TIMM23: variants seen among roughly 807,000 people sequenced by gnomAD.
TIMM23 encodes the protein mitochondrial import inner membrane translocase subunit Tim23.
In TIMM23, 19 loss-of-function variants were observed where a neutral mutation model predicts 30.7. The observed-to-expected ratio is 0.62, with a 90% CI of 0.43 to 0.91. The LOEUF (loss-of-function observed/expected upper bound fraction) is 0.91. Among genes scored for constraint, TIMM23 ranks in the 40% least tolerant of loss-of-function variants. The pLI is 0.00. For synonymous variants in TIMM23, 78 were observed against 98.5 expected (o/e 0.79, Z 1.23); for missense variants, 202 against 269.2 (o/e 0.75, Z 1.75).
intron 2 of TIMM23, 57 bp downstream of exon 2, chr10:45,975,569 C>A: frequency 3.1e-6 from 5 of 1,606,244 alleles, no homozygotes; most frequent in Non-Finnish European, 4.3e-6. Context: ...AAAAAAACGC[C>A]AAGTGCTATG....
chr10:45,999,677 G>A (rs996298051), intron 6 of TIMM23, among the ~76,000 whole-genome samples: 5 of 152,214 alleles, frequency 3.3e-5, no homozygotes, highest in Admixed American at 3.3e-4. Context: ...ATGAAGTTTC[G>A]GGCACCATTG....
intron 6 of TIMM23, among the ~76,000 whole-genome samples, chr10:45,996,224 TG>T (rs1838327097): frequency 2.1e-5 from 3 of 143,106 alleles, no homozygotes; most frequent in Admixed American, 2.1e-4. Context: ...TATCCGGGCA[TG>T]GTGGTGGGTG....
At chr10:45,997,860 A>T (rs1838394799) in intron 6 of TIMM23, among the ~76,000 whole-genome samples, 1 of 152,216 alleles carries the variant, frequency 6.6e-6, no homozygotes, top group Non-Finnish European at 1.5e-5. Flanking sequence ...GTGTGAATGT[A>T]CTTAATGCCT....
intron 2 of TIMM23, 82 bp downstream of exon 2, chr10:45,975,594 G>A: frequency 1.9e-6 from 3 of 1,572,140 alleles, no homozygotes; most frequent in Non-Finnish European, 2.6e-6. Flanking sequence ...CTTGAACTAT[G>A]ACATACACTT....
chr10:45,997,672 G>A (rs1838387711), intron 6 of TIMM23, among the ~76,000 whole-genome samples: 1 of 152,152 alleles, frequency 6.6e-6, no homozygotes, highest in South Asian at 2.1e-4. Flanking sequence ...CGGTATGGTG[G>A]TGCATGATTG....
At chr10:46,000,108 T>C (rs1554917409) in intron 6 of TIMM23, among the ~76,000 whole-genome samples, 1 of 152,194 alleles carries the variant, frequency 6.6e-6, no homozygotes, top group Non-Finnish European at 1.5e-5. Flanking sequence ...CTACAATTTG[T>C]GCGGTTAACG....
chr10:45,978,987 T>C (rs1554913562), intron 2 of TIMM23, among the ~76,000 whole-genome samples: 1 of 152,224 alleles, frequency 6.6e-6, no homozygotes, highest in Non-Finnish European at 1.5e-5. Flanking sequence ...TGCTACAATA[T>C]AAATGAACCT....
chr10:45,999,508 A>C (rs1190316497), intron 6 of TIMM23, among the ~76,000 whole-genome samples: 6 of 152,054 alleles, frequency 3.9e-5, no homozygotes, highest in African/African-American at 1.4e-4. Flanking sequence ...CGCAAAAACC[A>C]GCAAGTTTTT....
At chr10:45,976,282 A>AT in intron 2 of TIMM23, among the ~76,000 whole-genome samples, 1 of 151,110 alleles carries the variant, frequency 6.6e-6, no homozygotes, top group African/African-American at 2.4e-5. Flanking sequence ...CACAAAAATC[A>AT]TTTGACAACA....
At chr10:45,982,722 T>C (rs1466411734) in intron 3 of TIMM23, 106 bp downstream of exon 3, 27 of 1,558,776 alleles carry the variant, frequency 1.7e-5, no homozygotes, top group Non-Finnish European at 2.1e-5. Context: ...TTTTTTAATA[T>C]TTACATTTGT....
chr10:45,999,174 T>C (rs912217603), intron 6 of TIMM23, among the ~76,000 whole-genome samples: 50 of 152,004 alleles, frequency 3.3e-4, no homozygotes, highest in Non-Finnish European at 5.9e-5. Context: ...CAGGTCTGGC[T>C]TTGTTGCCCA....
At position 45,985,148 on chromosome 10, in the gene TIMM23, A is replaced by G. The variant is rs1417456138; in HGVS notation, c.345-235A>G. Among the ~76,000 whole-genome samples, 718 of 152,080 alleles carry G rather than the reference A, an allele frequency of 4.7e-3. 5 individuals are homozygous for G. The highest frequency in any genetic ancestry group is 0.019 in the East Asian group (98 of 5,178). Reference sequence around the variant, plus strand: ...GTTTTCCTTATTATTATTATTAAGGACTTATATAAAAGTCCTTAAGACTTT... The same window carrying G: ...GTTTTCCTTATTATTATTATTAAGGGCTTATATAAAAGTCCTTAAGACTTT... On this transcript the variant is annotated intron_variant, in intron 4 of 6. Coordinates refer to ENST00000580018, the MANE Select transcript of TIMM23 (RefSeq NM_006327.4).
At chr10:45,996,809 C>G (rs1838348553) in intron 6 of TIMM23, among the ~76,000 whole-genome samples, 1 of 151,332 alleles carries the variant, frequency 6.6e-6, no homozygotes. Context: ...CCTGTCTATA[C>G]AAAAAATTAG....
At position 45,988,963 on chromosome 10, in the gene TIMM23, A is replaced by G. The variant is rs2132265657; in HGVS notation, c.514+116A>G. On this transcript the variant is annotated intron_variant, in intron 6 of 6. Coordinates refer to ENST00000580018, the MANE Select transcript of TIMM23 (RefSeq NM_006327.4). ...CAGTATAATCTAGTGTTCTAACTTT[A>G]TGGTTATTTTGGTTTGGTTTGGTTT... 6.3e-6 allele frequency: 5 copies of G among 796,862 alleles called. No individual in the cohort carries two copies. The Admixed American group carries it at 7.4e-5, about 12-fold the overall frequency. The allele number at this position is 796,862 out of a possible 1,614,324, so 49.4% of individuals were successfully genotyped here.
At chr10:45,989,342 T>C (rs1324567347) in intron 6 of TIMM23, among the ~76,000 whole-genome samples, 1 of 152,262 alleles carries the variant, frequency 6.6e-6, no homozygotes, top group Non-Finnish European at 1.5e-5. Context: ...ATATTCATTC[T>C]GTGTATGTAT....
intron 1 of TIMM23, 33 bp downstream of exon 1, chr10:45,972,763 G>C (rs782489097): frequency 6.2e-7 from 1 of 1,612,496 alleles, no homozygotes; most frequent in Non-Finnish European, 8.5e-7. Context: ...GATTATTTCT[G>C]ACTGGTTTTT....
intron 5 of TIMM23, among the ~76,000 whole-genome samples, chr10:45,987,244 A>AC: frequency 6.6e-6 from 1 of 152,072 alleles, no homozygotes; most frequent in African/African-American, 2.4e-5. Flanking sequence ...AAAAAAAAAA[A>AC]ACAGTTTTTC....
At chr10:45,991,483 G>A (rs1590124001) in intron 6 of TIMM23, among the ~76,000 whole-genome samples, 1 of 152,162 alleles carries the variant, frequency 6.6e-6, no homozygotes. Context: ...TGGGCACGGT[G>A]GCTCATGCCT....
chr10:45,988,679 A>G (rs1200504762), intron 5 of TIMM23, 58 bp from the exon 6 acceptor site: 160 of 1,356,756 alleles, frequency 1.2e-4, no homozygotes, highest in Non-Finnish European at 1.6e-4. Flanking sequence ...ATATATGTAT[A>G]TCATAATATC....
Sources: gnomAD v4.1 joint callset for allele counts (sites outside exome capture counted in the v4.1 genomes callset) on GRCh38, gnomAD v4.1.1 for gene constraint, MANE v1.5 for transcripts, NCBI Gene and HGNC (gene_info 2026-07-23, HGNC 2026-07-21) for gene names.